DMD: variants seen among roughly 807,000 people sequenced by gnomAD.
The protein encoded by DMD is mutant dystrophin.
In DMD, 63 loss-of-function variants were observed where a neutral mutation model predicts 330.1. The observed-to-expected ratio is 0.19, with a 90% CI of 0.16 to 0.24. The LOEUF is 0.24. Ranked by LOEUF, DMD falls within the 10% of genes least tolerant of loss-of-function variation. DMD has a pLI of 1.00. For missense variants in DMD, 3,344 were observed against 2,684.1 expected, an observed-to-expected ratio of 1.25 and a Z score of -5.43; for synonymous variants, 1,223 against 959.8, an observed-to-expected ratio of 1.27 and a Z score of -5.07.
At chrX:33,069,017 T>C (rs1183399513) in intron 1 of DMD, among the ~76,000 whole-genome samples, 1 of 112,262 alleles carries the variant, frequency 8.9e-6, no homozygotes, top group African/African-American at 3.2e-5. Flanking sequence ...TTTAAACCAG[T>C]AACGTTTTAT....
chrX:32,428,647 C>T (rs2148093925), intron 29 of DMD, among the ~76,000 whole-genome samples: 1 of 111,715 alleles, frequency 9.0e-6, no homozygotes, highest in Non-Finnish European at 1.9e-5. Context: ...GAGTCTCACT[C>T]CGTAACCCAG....
At chrX:32,256,835 T>C (rs2097301367) in intron 43 of DMD, among the ~76,000 whole-genome samples, 1 of 111,338 alleles carries the variant, frequency 9.0e-6, no homozygotes, top group Admixed American at 9.6e-5. Flanking sequence ...GTGTTGAATA[T>C]TGGCACCCAC....
rs747304138 is a variant in DMD, at chrX:31,177,417, A to G, written c.10262+515T>C. On this transcript the variant is annotated intron_variant, in intron 71 of 78. Transcript: ENST00000357033. ...AATAGCATGGCATAACCTGATAAAC[A>G]GTCCGCACACCTCATTAAAATTATT... Among the ~76,000 whole-genome samples, 5 of 111,698 alleles carry G rather than the reference A, an allele frequency of 4.5e-5. No individual in the cohort carries two copies. The South Asian group carries it at 1.9e-3, about 42-fold the overall frequency.
At chrX:32,991,294 T>A (rs1602458150) in intron 2 of DMD, among the ~76,000 whole-genome samples, 1 of 111,631 alleles carries the variant, frequency 9.0e-6, no homozygotes, top group Non-Finnish European at 1.9e-5. Flanking sequence ...GTTTTCTTTC[T>A]ACATTGAGAT....
intron 1 of DMD, among the ~76,000 whole-genome samples, chrX:33,181,110 C>A (rs1030487702): frequency 1.0e-4 from 11 of 110,437 alleles, no homozygotes; most frequent in African/African-American, 3.6e-4. Context: ...GAAATAGAGA[C>A]CTAGGTTCTA....
At chrX:31,605,495 G>T (rs1461550132) in intron 55 of DMD, among the ~76,000 whole-genome samples, 1 of 111,180 alleles carries the variant, frequency 9.0e-6, no homozygotes, top group Non-Finnish European at 1.9e-5. Flanking sequence ...CCTTTTTTTT[G>T]GATAAATGGG....
chrX:31,242,262 CAAAAAAAAAAAAAA>C (rs72176984), intron 63 of DMD, among the ~76,000 whole-genome samples: 1 of 24,649 alleles, frequency 4.1e-5, no homozygotes, highest in African/African-American at 1.2e-4. Flanking sequence ...TCTCAAAAAG[CAAAAAAAAAAAAAA>C]AAAAAAAAAA....
At chrX:32,785,922 A>G (rs1303879415) in intron 7 of DMD, among the ~76,000 whole-genome samples, 2 of 110,991 alleles carry the variant, frequency 1.8e-5, no homozygotes, top group Non-Finnish European at 3.8e-5. Flanking sequence ...TCAAATGCCC[A>G]ATCGTTATTT....
At chrX:32,999,549 C>T (rs988912202) in intron 2 of DMD, among the ~76,000 whole-genome samples, 1 of 110,351 alleles carries the variant, frequency 9.1e-6, no homozygotes, top group Non-Finnish European at 1.9e-5. Flanking sequence ...GAGGCTGAGG[C>T]GGGCAGATCA....
intron 53 of DMD, among the ~76,000 whole-genome samples, chrX:31,676,362 C>T (rs1487373310): frequency 8.9e-6 from 1 of 112,053 alleles, no homozygotes; most frequent in African/African-American, 3.2e-5. Flanking sequence ...TTATTTGCTC[C>T]CTACCTTTTA....
intron 9 of DMD, among the ~76,000 whole-genome samples, chrX:32,651,128 T>TATC (rs1184945974): frequency 4.0e-5 from 4 of 98,768 alleles, no homozygotes; most frequent in African/African-American, 2.0e-4. Context: ...TTTAAAAAAA[T>TATC]ATAATATAAC....
intron 2 of DMD, among the ~76,000 whole-genome samples, chrX:32,883,522 T>C (rs2149215473): frequency 9.0e-6 from 1 of 111,162 alleles, no homozygotes; most frequent in East Asian, 2.8e-4. Context: ...ATTAAATTTG[T>C]TGTTAGAAAA....
At chrX:33,089,936 T>C (rs1309307630) in intron 1 of DMD, among the ~76,000 whole-genome samples, 3 of 111,488 alleles carry the variant, frequency 2.7e-5, no homozygotes, top group Non-Finnish European at 5.6e-5. Context: ...AAGTTCCCAG[T>C]ACATCCAATC....
intron 45 of DMD, among the ~76,000 whole-genome samples, chrX:31,951,173 A>G (rs917841280): frequency 1.2e-4 from 11 of 93,622 alleles, no homozygotes; most frequent in South Asian, 4.7e-4. Flanking sequence ...ATATATATAT[A>G]TGTATATATA....
intron 7 of DMD, among the ~76,000 whole-genome samples, chrX:32,785,616 A>G (rs1216317445): frequency 1.8e-5 from 2 of 111,722 alleles, no homozygotes; most frequent in African/African-American, 6.5e-5. Context: ...TTTATGTAAG[A>G]CAGATCTCGC....
chrX:31,774,216 A>G (rs1239541348), intron 50 of DMD, 24 bp from the exon 51 acceptor site: 18 of 1,099,916 alleles, frequency 1.6e-5, no homozygotes, highest in Non-Finnish European at 2.3e-5. Flanking sequence ...GGTTTTTGCA[A>G]AAAGGAAAAA....
intron 47 of DMD, among the ~76,000 whole-genome samples, chrX:31,878,556 C>T (rs2094004042): frequency 9.0e-6 from 1 of 111,384 alleles, no homozygotes; most frequent in Non-Finnish European, 1.9e-5. Context: ...TCTGCACGAC[C>T]AAAAGAGCCA....
chrX:31,726,607 G>A (rs769871173), intron 52 of DMD, among the ~76,000 whole-genome samples: 293 of 111,776 alleles, frequency 2.6e-3, no homozygotes, highest in Middle Eastern at 4.6e-3. Flanking sequence ...GAACACGATC[G>A]AAAAGTTTAT....
At chrX:32,982,718 C>T (rs1021676293) in intron 2 of DMD, among the ~76,000 whole-genome samples, 6 of 111,834 alleles carry the variant, frequency 5.4e-5, no homozygotes, top group African/African-American at 2.0e-4. Flanking sequence ...CTCACCATTT[C>T]GAGACCCACA....
Sources: gnomAD v4.1 joint callset for allele counts (sites outside exome capture counted in the v4.1 genomes callset) on GRCh38, gnomAD v4.1.1 for gene constraint, MANE v1.5 for transcripts, NCBI Gene and HGNC (gene_info 2026-07-23, HGNC 2026-07-21) for gene names.